MARCHF1: variants seen among roughly 807,000 people sequenced by gnomAD.
MARCHF1 encodes membrane associated ring-CH-type finger 1.
MARCHF1 carries 40 observed loss-of-function variants against 54.2 expected under a neutral mutation model. That is an observed-to-expected ratio of 0.74 (90% CI 0.57 to 0.96). The LOEUF (loss-of-function observed/expected upper bound fraction) is 0.96. Ranked by LOEUF, MARCHF1 falls within the 40% of genes least tolerant of loss-of-function variation. MARCHF1 has a pLI of 0.00. For missense variants in MARCHF1, 586 were observed against 656.5 expected (o/e 0.89, Z 1.17); for synonymous variants, 236 against 236.3 (o/e 1.00, Z 0.01).
At chr4:164,093,369 C>T (rs193293456) in intron 2 of MARCHF1, among the ~76,000 whole-genome samples, 24 of 152,092 alleles carry the variant, frequency 1.6e-4, no homozygotes, top group East Asian at 5.8e-4. Flanking sequence ...TTTTATCATA[C>T]GAAGTAGAAA....
chr4:164,096,288 C>A (rs897624536), intron 2 of MARCHF1, among the ~76,000 whole-genome samples: 2 of 152,102 alleles, frequency 1.3e-5, no homozygotes, highest in Admixed American at 1.3e-4. Context: ...AGCTGGAGGT[C>A]ATTATCCTAA....
At chr4:163,727,646 T>A (rs1745702411) in intron 4 of MARCHF1, among the ~76,000 whole-genome samples, 1 of 151,744 alleles carries the variant, frequency 6.6e-6, no homozygotes, top group South Asian at 2.1e-4. Context: ...TTTACAATTA[T>A]GCTTGCACCA....
intron 3 of MARCHF1, among the ~76,000 whole-genome samples, chr4:163,971,120 C>T (rs1254395153): frequency 1.3e-5 from 2 of 150,838 alleles, no homozygotes; most frequent in African/African-American, 4.9e-5. Context: ...AGAAACAAAA[C>T]ACTTCTCTCT....
At chr4:164,189,368 A>C in intron 1 of MARCHF1, 1 of 628,972 alleles carries the variant, frequency 1.6e-6, no homozygotes. Flanking sequence ...TAAGAGCTAA[A>C]CATGGATCTG....
intron 8 of MARCHF1, among the ~76,000 whole-genome samples, chr4:163,549,407 T>C: frequency 6.6e-6 from 1 of 152,018 alleles, no homozygotes; most frequent in East Asian, 1.9e-4. Flanking sequence ...AGACGGCAGC[T>C]CCCTTTCCCG....
chr4:163,635,284 C>T lies in MARCHF1; in HGVS notation c.163-21891G>A, dbSNP rs1183553880. 4.2e-4 allele frequency among the ~76,000 whole-genome samples: 58 copies of T among 137,876 alleles called. No homozygotes were observed. In the South Asian group the frequency reaches 6.6e-3, roughly 16 times the overall value. The allele number at this position is 137,876 out of a possible 152,430, so 90.5% of individuals were successfully genotyped here. A position where few individuals can be genotyped will look rare whatever the true frequency, so the allele number is the denominator to read the frequency against. ...GAAGGAAATAGAGACACAAAAAACC[C>T]TTCAAAAAATTAATGAATCCAGGAG... On this transcript the variant is annotated intron_variant, in intron 5 of 9. Coordinates refer to ENST00000514618, the MANE Select transcript of MARCHF1 (RefSeq NM_001394959.1).
chr4:163,786,836 A>C (rs953682267), intron 4 of MARCHF1, among the ~76,000 whole-genome samples: 1 of 152,020 alleles, frequency 6.6e-6, no homozygotes, highest in Non-Finnish European at 1.5e-5. Flanking sequence ...ATTTCAGAAT[A>C]TACTACAAAT....
chr4:164,111,514 A>G (rs1195793441), intron 2 of MARCHF1, 74 bp downstream of exon 2: 4 of 151,782 alleles, frequency 2.6e-5, no homozygotes, highest in Non-Finnish European at 5.9e-5. Context: ...TCTAATTCCA[A>G]ATGAGAAAAG....
intron 5 of MARCHF1, among the ~76,000 whole-genome samples, chr4:163,613,878 GC>G (rs1208142734): frequency 6.6e-6 from 1 of 152,028 alleles, no homozygotes; most frequent in Admixed American, 6.6e-5. Context: ...ATATTTAAAA[GC>G]CTGAATTTAT....
At chr4:164,081,979 G>A (rs1304125246) in intron 2 of MARCHF1, among the ~76,000 whole-genome samples, 2 of 152,104 alleles carry the variant, frequency 1.3e-5, no homozygotes, top group East Asian at 3.9e-4. Context: ...CACACCATCT[G>A]GCTGGCAAAC....
chr4:164,132,834 T>C (rs958376979), intron 1 of MARCHF1, among the ~76,000 whole-genome samples: 37 of 152,126 alleles, frequency 2.4e-4, no homozygotes, highest in Non-Finnish European at 1.0e-4. Context: ...TGTATGTATA[T>C]TTATTTATAA....
intron 3 of MARCHF1, among the ~76,000 whole-genome samples, chr4:163,911,105 G>T (rs1330019507): frequency 6.6e-6 from 1 of 151,998 alleles, no homozygotes; most frequent in East Asian, 1.9e-4. Flanking sequence ...AGATTCAGGG[G>T]GTACATATAC....
At chr4:163,587,642 T>C (rs7695094) in intron 7 of MARCHF1, among the ~76,000 whole-genome samples, 259 of 152,150 alleles carry the variant, frequency 1.7e-3, no homozygotes, top group African/African-American at 6.0e-3. Flanking sequence ...GAAGTAAAGT[T>C]TGAAAAACTA....
intron 3 of MARCHF1, among the ~76,000 whole-genome samples, chr4:163,949,677 G>A (rs886667188): frequency 6.6e-6 from 1 of 152,086 alleles, no homozygotes; most frequent in Non-Finnish European, 1.5e-5. Context: ...CAGGCTGGTT[G>A]TCCTGATGAG....
At chr4:163,835,898 G>C (rs1189382280) in intron 4 of MARCHF1, among the ~76,000 whole-genome samples, 3 of 152,008 alleles carry the variant, frequency 2.0e-5, no homozygotes, top group Admixed American at 2.0e-4. Flanking sequence ...ATTATTACCT[G>C]GCTTGGTGAT....
intron 1 of MARCHF1, among the ~76,000 whole-genome samples, chr4:164,350,999 GACGGACGC>G (rs1443093465): frequency 3.3e-5 from 5 of 152,066 alleles, no homozygotes; most frequent in Non-Finnish European, 7.4e-5. Flanking sequence ...AGAAAGGGGT[GACGGACGC>G]ACCTGGAAAA....
intron 3 of MARCHF1, chr4:163,933,301 A>C (rs562134415): frequency 1.7e-6 from 1 of 590,856 alleles, no homozygotes. Flanking sequence ...ACCTTTTTAC[A>C]TATCTCCATT....
chr4:163,917,546 C>A (rs192061877), intron 3 of MARCHF1, among the ~76,000 whole-genome samples: 2 of 152,048 alleles, frequency 1.3e-5, no homozygotes, highest in African/African-American at 4.8e-5. Context: ...TGTTTATTTG[C>A]CATCTTCTTT....
At chr4:164,348,861 G>C (rs1411022779) in intron 1 of MARCHF1, among the ~76,000 whole-genome samples, 1 of 152,112 alleles carries the variant, frequency 6.6e-6, no homozygotes, top group Non-Finnish European at 1.5e-5. Flanking sequence ...CACTCTTCCA[G>C]ATACAGAAGA....
Sources: allele counts gnomAD v4.1 joint callset (sites outside exome capture counted in the v4.1 genomes callset), GRCh38; gene constraint gnomAD v4.1.1; transcripts MANE v1.5; gene names NCBI Gene and HGNC (gene_info 2026-07-23, HGNC 2026-07-21).